The following ICOS variants were observed in gnomAD, a reference collection of about 807,000 sequenced individuals.
The protein encoded by ICOS is inducible T cell costimulator.
In ICOS, 15 loss-of-function variants were observed where a neutral mutation model predicts 24.6. The ratio of observed to expected loss-of-function variants is 0.61; its 90% CI spans 0.41 to 0.94. The LOEUF (loss-of-function observed/expected upper bound fraction) is 0.94, where lower values mean the gene tolerates loss of function less well. ICOS is among the 40% of genes least tolerant of loss of function. The probability of loss-of-function intolerance (pLI) is 0.00; values close to 1 mark genes in which losing one functional copy is unlikely to be tolerated. For synonymous variants in ICOS, 89 were observed against 77.5 expected, an observed-to-expected ratio of 1.15 and a Z score of -0.78; for missense variants, 200 against 233.0, an observed-to-expected ratio of 0.86 and a Z score of 0.92.
At chr2:203,937,505 C>T (rs541673737) in intron 1 of ICOS, among the ~76,000 whole-genome samples, 8 of 152,138 alleles carry the variant, frequency 5.3e-5, no homozygotes, top group Non-Finnish European at 1.2e-4. Flanking sequence ...ATAGCAGACT[C>T]TATATGGACA....
chr2:203,959,455 A>AGTGTGTGTGT (rs34098976), intron 4 of ICOS, 131 bp from the exon 5 acceptor site: 107 of 718,822 alleles, frequency 1.5e-4, no homozygotes, highest in Middle Eastern at 9.5e-4. Context: ...TGTGTGTGTG[A>AGTGTGTGTGT]GTGTGTGTGT....
intron 4 of ICOS, among the ~76,000 whole-genome samples, chr2:203,958,533 A>G (rs1265865101): frequency 1.3e-5 from 2 of 152,120 alleles, no homozygotes; most frequent in African/African-American, 4.8e-5. Context: ...ATTGTGGAAA[A>G]TTCATGTCTT....
At chr2:203,944,622 T>C (rs1689837914) in intron 1 of ICOS, among the ~76,000 whole-genome samples, 1 of 152,230 alleles carries the variant, frequency 6.6e-6, no homozygotes, top group African/African-American at 2.4e-5. Context: ...AATTCTTTTA[T>C]TTAATATGAT....
chr2:203,957,912 G>A (rs1049237131), intron 4 of ICOS, 29 bp downstream of exon 4: 37 of 1,410,370 alleles, frequency 2.6e-5, no homozygotes, highest in Non-Finnish European at 3.5e-5. Flanking sequence ...GTTTGGGAAG[G>A]GAAGAGGTTT....
At chr2:203,938,249 T>A (rs969101073) in intron 1 of ICOS, among the ~76,000 whole-genome samples, 1 of 152,178 alleles carries the variant, frequency 6.6e-6, no homozygotes, top group Admixed American at 6.5e-5. Flanking sequence ...TTCATTGAAG[T>A]CTTTCCTGTG....
intron 1 of ICOS, among the ~76,000 whole-genome samples, chr2:203,943,658 G>C (rs1319816030): frequency 6.6e-6 from 1 of 152,186 alleles, no homozygotes; most frequent in Non-Finnish European, 1.5e-5. Flanking sequence ...GCGCTTTCCA[G>C]AAAGCATCAG....
In ICOS at chr2:203,960,305, A is replaced by G. The variant is rs1690155504; in HGVS notation, c.*706A>G. ...CTTACATTCTTTCCTCTGCTGCTCA[A>G]TAGTTTTATATATCTATGCATACAT... On this transcript the variant is annotated 3_prime_UTR_variant, in exon 5 of 5. Coordinates refer to ENST00000316386, the MANE Select transcript of ICOS (RefSeq NM_012092.4). 1 of 155,374 alleles carries G rather than the reference A, an allele frequency of 6.4e-6. No homozygotes were observed. Among genetic ancestry groups the G allele is most frequent in the South Asian group, 2.0e-4 (1 of 5,028 alleles). The allele number at this position is 155,374 out of a possible 1,614,324, so 9.6% of individuals were successfully genotyped here. A position where few individuals can be genotyped will look rare whatever the true frequency, so the allele number is the denominator to read the frequency against.
intron 1 of ICOS, among the ~76,000 whole-genome samples, chr2:203,950,142 A>G (rs1689943991): frequency 6.6e-6 from 1 of 152,260 alleles, no homozygotes. Flanking sequence ...TAATTTATAA[A>G]GAAAAGAAAT....
intron 1 of ICOS, among the ~76,000 whole-genome samples, chr2:203,945,083 C>T (rs1417331719): frequency 6.6e-6 from 1 of 152,016 alleles, no homozygotes; most frequent in Non-Finnish European, 1.5e-5. Flanking sequence ...TTTTAAAACA[C>T]CTTATAAGCA....
At chr2:203,957,707 C>A in intron 3 of ICOS, 92 bp from the exon 4 acceptor site, 2 of 928,094 alleles carry the variant, frequency 2.2e-6, no homozygotes, top group Non-Finnish European at 3.5e-6. Flanking sequence ...GTTTTTGTCA[C>A]ATACCACTTC....
chr2:203,944,550 C>G (rs1330621566), intron 1 of ICOS, among the ~76,000 whole-genome samples: 1 of 152,182 alleles, frequency 6.6e-6, no homozygotes, highest in African/African-American at 2.4e-5. Flanking sequence ...CACTCCTCTT[C>G]TTGGCCCATT....
intron 1 of ICOS, among the ~76,000 whole-genome samples, chr2:203,948,489 T>C (rs1226377414): frequency 6.6e-6 from 1 of 152,262 alleles, no homozygotes; most frequent in African/African-American, 2.4e-5. Flanking sequence ...TATATTCATT[T>C]GTTCGCCCAT....
intron 1 of ICOS, among the ~76,000 whole-genome samples, chr2:203,951,932 G>GT (rs961166413): frequency 1.3e-4 from 20 of 151,416 alleles, no homozygotes; most frequent in South Asian, 2.1e-4. Flanking sequence ...CATGCCAACA[G>GT]TTTTTTTTTC....
rs760904375 is a variant in ICOS, at chr2:203,955,789, G to C, written c.212G>C (p.Ser71Thr). The C allele has an allele frequency of 6.2e-7, 1 of 1,613,876 alleles. No homozygotes were observed. Among genetic ancestry groups the C allele is most frequent in the Non-Finnish European group, 8.5e-7 (1 of 1,179,842 alleles). Residue 71 changes from serine to threonine, a missense_variant, in exon 2 of 5, where the codon AGT (serine) becomes ACT (threonine). Ser to Thr is a moderately conservative substitution (Grantham distance 58, BLOSUM62 1). Transcript: ENST00000316386. ...TGCGATCTCACTAAGACAAAAGGAAGTGGAAACACAGTGTCCATTAAGAGT... is the reference window on the plus strand; with the variant it reads ...TGCGATCTCACTAAGACAAAAGGAACTGGAAACACAGTGTCCATTAAGAGT... Reference protein sequence around the residue: ...ILCDLTKTKGSGNTVSIKSLK... With the variant: ...ILCDLTKTKGTGNTVSIKSLK...
chr2:203,957,742 A>C (rs1690101751), intron 3 of ICOS, 57 bp from the exon 4 acceptor site: 2 of 1,311,986 alleles, frequency 1.5e-6, no homozygotes, highest in East Asian at 4.6e-5. Flanking sequence ...AACAGTCAAA[A>C]AACAAAGAGA....
intron 1 of ICOS, among the ~76,000 whole-genome samples, chr2:203,944,134 C>G (rs192993483): frequency 6.6e-6 from 1 of 152,168 alleles, no homozygotes; most frequent in South Asian, 2.1e-4. Context: ...GCTGGATTCA[C>G]GGCCTCCCCC....
At position 203,948,656 on chromosome 2, in the gene ICOS, T is replaced by C. The variant is rs573700053; in HGVS notation, c.59-6980T>C. On this transcript the variant is annotated intron_variant, in intron 1 of 4. Transcript: ENST00000316386. ...AGCCAGACAATAAAGAAGAAAACAA[T>C]CAGATAAACCAGATAATTTCAGACA... Among the ~76,000 whole-genome samples, 11 of 152,238 alleles carry C rather than the reference T, an allele frequency of 7.2e-5. No homozygotes were observed. In the East Asian group the frequency reaches 2.1e-3, roughly 29 times the overall value.
chr2:203,946,794 A>C (rs1689878318), intron 1 of ICOS, among the ~76,000 whole-genome samples: 1 of 152,196 alleles, frequency 6.6e-6, no homozygotes, highest in Admixed American at 6.5e-5. Flanking sequence ...AACACTTATC[A>C]TTGTTTGATT....
intron 4 of ICOS, among the ~76,000 whole-genome samples, chr2:203,959,357 A>C (rs1168407439): frequency 3.3e-5 from 5 of 152,094 alleles, no homozygotes. Context: ...GAGTTTAGAT[A>C]ATGTCTGTTA....
Sources: gnomAD v4.1 joint callset for allele counts (sites outside exome capture counted in the v4.1 genomes callset) on GRCh38, gnomAD v4.1.1 for gene constraint, MANE v1.5 for transcripts, NCBI Gene and HGNC (gene_info 2026-07-23, HGNC 2026-07-21) for gene names.